Variants in CCDC150 observed in about 807,000 individuals in gnomAD.
CCDC150 encodes coiled-coil domain-containing protein 150.
A neutral mutation model predicts 156.5 loss-of-function variants in CCDC150; 151 were observed. The ratio of observed to expected loss-of-function variants is 0.97; its 90% CI spans 0.85 to 1.10. The LOEUF (loss-of-function observed/expected upper bound fraction) is 1.10. Ranked by LOEUF, CCDC150 falls within the 50% of genes least tolerant of loss-of-function variation. CCDC150 has a pLI of 0.00. For synonymous variants in CCDC150, 452 were observed against 429.4 expected (o/e 1.05, Z -0.65); for missense variants, 1,312 against 1,268.1 (o/e 1.03, Z -0.53).
intron 13 of CCDC150, among the ~76,000 whole-genome samples, chr2:196,686,747 T>C (rs1228299575): frequency 6.6e-6 from 1 of 152,128 alleles, no homozygotes; most frequent in Admixed American, 6.6e-5. Context: ...TTATTTTTCC[T>C]GATTCTCTCC....
intron 13 of CCDC150, among the ~76,000 whole-genome samples, chr2:196,693,079 TTTTTTGTCTTTATTGGTTCAAAGTCTGG>T (rs1651567219): frequency 1.3e-5 from 2 of 152,160 alleles, no homozygotes; most frequent in African/African-American, 4.8e-5. Flanking sequence ...TTCTTTGTCT[TTTTTTGTCTTTATTGGTTCAAAGTCTGG>T]TTTTTCAGAA....
intron 15 of CCDC150, among the ~76,000 whole-genome samples, chr2:196,707,416 T>C (rs967173322): frequency 6.6e-6 from 1 of 152,182 alleles, no homozygotes; most frequent in African/African-American, 2.4e-5. Flanking sequence ...TTTATTAGTC[T>C]TGCTAGCAGT....
At chr2:196,703,746 A>G (rs559874168) in intron 15 of CCDC150, among the ~76,000 whole-genome samples, 105 of 152,312 alleles carry the variant, frequency 6.9e-4, no homozygotes, top group African/African-American at 2.4e-3. Context: ...TGGGAATGAA[A>G]TATATTTTAT....
chr2:196,714,151 T>C (rs959630752), intron 17 of CCDC150, among the ~76,000 whole-genome samples: 4 of 152,036 alleles, frequency 2.6e-5, no homozygotes, highest in Admixed American at 2.6e-4. Flanking sequence ...GGGCTGTGAG[T>C]GTTAGTTGTC....
intron 6 of CCDC150, among the ~76,000 whole-genome samples, chr2:196,666,373 G>A (rs147413608): frequency 4.6e-5 from 7 of 152,326 alleles, no homozygotes; most frequent in Non-Finnish European, 8.8e-5. Context: ...AATTGCAAAT[G>A]ATCCTTTGTT....
chr2:196,680,520 C>T (rs1039305811), intron 13 of CCDC150, among the ~76,000 whole-genome samples: 20 of 151,996 alleles, frequency 1.3e-4, no homozygotes, highest in Non-Finnish European at 2.9e-4. Flanking sequence ...TGGCCAGTCT[C>T]GAACTCCTGG....
chr2:196,672,255 G>C, intron 8 of CCDC150, 90 bp from the exon 9 acceptor site: 1 of 522,842 alleles, frequency 1.9e-6, no homozygotes, highest in Non-Finnish European at 3.2e-6. Context: ...ACTTGAACTT[G>C]TACTGGCCGA....
chr2:196,704,661 A>G (rs539613179), intron 15 of CCDC150, among the ~76,000 whole-genome samples: 3 of 152,060 alleles, frequency 2.0e-5, no homozygotes, highest in Admixed American at 6.5e-5. Context: ...TTAACTCATC[A>G]TTTACATTAG....
At position 196,732,691 on chromosome 2, in the gene CCDC150, C is replaced by A; in HGVS notation, c.*129C>A. 1 of 653,902 alleles carries A rather than the reference C, an allele frequency of 1.5e-6. No individual in the cohort carries two copies. The highest frequency in any genetic ancestry group is 2.7e-6 in the Non-Finnish European group (1 of 368,930). 40.5% of individuals were successfully genotyped at this position (653,902 alleles called of 1,614,324 possible). On this transcript the variant is annotated 3_prime_UTR_variant, in exon 28 of 28. Coordinates refer to ENST00000389175, the MANE Select transcript of CCDC150 (RefSeq NM_001080539.2). ...TTTGATGTGGGCTGAAGATTTTGGA[C>A]CTGAGTTTATCACTTTATGAACTCT... is the stretch of plus-strand genomic sequence containing the variant.
chr2:196,690,212 C>A (rs573006684), intron 13 of CCDC150, among the ~76,000 whole-genome samples: 4 of 141,650 alleles, frequency 2.8e-5, no homozygotes, highest in African/African-American at 1.0e-4. Flanking sequence ...ACATCACACT[C>A]TGGGGACTGT....
At chr2:196,694,163 T>A (rs1338837474) in intron 13 of CCDC150, among the ~76,000 whole-genome samples, 2 of 151,680 alleles carry the variant, frequency 1.3e-5, no homozygotes, top group African/African-American at 2.4e-5. Flanking sequence ...TTCGAGCAGT[T>A]CTCCTGCCTC....
At chr2:196,667,635 C>G (rs1037797886) in intron 7 of CCDC150, 2 of 152,198 alleles carry the variant, frequency 1.3e-5, no homozygotes, top group Non-Finnish European at 2.9e-5. Flanking sequence ...GAAAAAATGG[C>G]AAAGTAAGAC....
intron 13 of CCDC150, among the ~76,000 whole-genome samples, chr2:196,688,052 G>A (rs570110015): frequency 6.6e-6 from 1 of 152,186 alleles, no homozygotes; most frequent in African/African-American, 2.4e-5. Context: ...CTCCAGCTTT[G>A]TTCTTTTTGC....
chr2:196,717,284 G>C (rs1697583620), intron 17 of CCDC150, among the ~76,000 whole-genome samples: 1 of 152,178 alleles, frequency 6.6e-6, no homozygotes, highest in East Asian at 1.9e-4. Flanking sequence ...GTGGTTGCCA[G>C]AGGACAGGAT....
intron 9 of CCDC150, among the ~76,000 whole-genome samples, 171 bp from the exon 10 acceptor site, chr2:196,674,070 T>C (rs1271048903): frequency 6.6e-6 from 1 of 152,166 alleles, no homozygotes; most frequent in African/African-American, 2.4e-5. Context: ...GTGTAGACTT[T>C]TAATATTTGG....
rs1253701297 is a variant in CCDC150 at position 196,720,758 on chromosome 2, A to G, written c.2259+90A>G. ...TTTGGGAAAATGAAGTGAAACTATC[A>G]GGTAAATGTTTTTTTCAATCAAGTC... On this transcript the variant is annotated intron_variant, in intron 20 of 27. Transcript: ENST00000389175. The G allele has an allele frequency of 4.5e-6, 5 of 1,121,680 alleles. No homozygotes were observed. The African/African-American group carries it at 7.9e-5, about 18-fold the overall frequency. The allele number at this position is 1,121,680 out of a possible 1,614,324, so 69.5% of individuals were successfully genotyped here.
At chr2:196,640,043 CTTTA>C (rs924412169) in intron 1 of CCDC150, among the ~76,000 whole-genome samples, 15 of 152,300 alleles carry the variant, frequency 9.8e-5, no homozygotes, top group African/African-American at 3.6e-4. Context: ...CCAATACCAC[CTTTA>C]TTTATGTGTT....
chr2:196,657,917 A>G (rs1010891118), intron 4 of CCDC150, among the ~76,000 whole-genome samples: 5 of 152,186 alleles, frequency 3.3e-5, no homozygotes, highest in Admixed American at 6.5e-5. Flanking sequence ...TCTACTCGGT[A>G]CAGCTAGGAG....
At chr2:196,688,249 C>T (rs967079469) in intron 13 of CCDC150, among the ~76,000 whole-genome samples, 2 of 152,128 alleles carry the variant, frequency 1.3e-5, no homozygotes, top group African/African-American at 2.4e-5. Context: ...GAATGTTTTT[C>T]CATTTGTTAA....
Sources: gnomAD v4.1 joint callset for allele counts (sites outside exome capture counted in the v4.1 genomes callset) on GRCh38, gnomAD v4.1.1 for gene constraint, MANE v1.5 for transcripts, NCBI Gene and HGNC (gene_info 2026-07-23, HGNC 2026-07-21) for gene names.